ZNF544: variants seen among roughly 807,000 people sequenced by gnomAD.
ZNF544 encodes zinc finger protein AF020591.
A neutral mutation model predicts 13.5 loss-of-function variants in ZNF544; 10 were observed. The observed-to-expected ratio is 0.74, with a 90% CI of 0.46 to 1.25. The LOEUF (loss-of-function observed/expected upper bound fraction) is 1.25. Ranked by LOEUF, ZNF544 falls within the 50% of genes most tolerant of loss-of-function variation. The probability of loss-of-function intolerance (pLI) is 0.00; values close to 1 mark genes in which losing one functional copy is unlikely to be tolerated. For synonymous variants in ZNF544, 323 were observed against 300.5 expected (o/e 1.07, Z -0.77); for missense variants, 896 against 845.6 (o/e 1.06, Z -0.74).
chr19:58,246,803 A>C lies in ZNF544; in HGVS notation c.244+9A>C. Reference sequence around the variant, plus strand: ...GCAGGAGGCCCCCCGAGGTAAGAGCAGACCTTGTGGTGAGCAGCTCAACGT... The same window carrying C: ...GCAGGAGGCCCCCCGAGGTAAGAGCCGACCTTGTGGTGAGCAGCTCAACGT... On this transcript the variant is annotated intron_variant, in intron 6 of 6. Transcript: ENST00000687789. 1.9e-6 allele frequency: 3 copies of C among 1,613,510 alleles called. No homozygotes were observed. The highest frequency in any genetic ancestry group is 1.7e-6 in the Non-Finnish European group (2 of 1,179,558).
rs199670407 is a variant in ZNF544 at position 58,262,699 on chromosome 19, G to A, written c.2093G>A (p.Arg698Gln). Reference sequence around the variant, plus strand: ...TGTAGTGACTGTGGGAAATCCTTCCGGCAGCAATCTCAACTTGTAGTGCAT... The same window carrying A: ...TGTAGTGACTGTGGGAAATCCTTCCAGCAGCAATCTCAACTTGTAGTGCAT... ...YECSDCGKSF[R>Q]QQSQLVVHRR... The change falls in exon 7 of 7, where the codon CGG (arginine) becomes CAG (glutamine). Residue 698 changes from arginine (R) to glutamine (Q), a missense_variant. By Grantham distance (43) the Arg-to-Gln change is conservative. Transcript: ENST00000687789. 181 of 1,611,908 alleles carry A rather than the reference G, an allele frequency of 1.1e-4. No homozygotes were observed. The highest frequency in any genetic ancestry group is 1.6e-4 in the Middle Eastern group (1 of 6,074).
chr19:58,255,937 A>G (rs2047225486), intron 6 of ZNF544, among the ~76,000 whole-genome samples: 1 of 152,260 alleles, frequency 6.6e-6, no homozygotes, highest in Non-Finnish European at 1.5e-5. Context: ...AGGAAACGGC[A>G]GCTGAAAGAT....
chr19:58,260,982 C>A lies in ZNF544; in HGVS notation c.376C>A (p.Gln126Lys). ...EPPSLVLGKV[Q>K]DQSNQLREHQ... Reference sequence around the variant, plus strand: ...ACCCTCTTTGGTATTAGGAAAAGTGCAAGATCAGAGCAACCAGTTAAGGGA... The same window carrying A: ...ACCCTCTTTGGTATTAGGAAAAGTGAAAGATCAGAGCAACCAGTTAAGGGA... Residue 126 changes from glutamine to lysine, a missense_variant, in exon 7 of 7, where the codon CAA (glutamine) becomes AAA (lysine). Gln to Lys is a moderately conservative substitution (Grantham distance 53, BLOSUM62 1). Transcript: ENST00000687789. 1 of 1,614,162 alleles carries A rather than the reference C, an allele frequency of 6.2e-7. No individual in the cohort carries two copies. The highest frequency in any genetic ancestry group is 8.5e-7 in the Non-Finnish European group (1 of 1,180,042).
At position 58,262,143 on chromosome 19, in the gene ZNF544, A is replaced by T; in HGVS notation, c.1537A>T (p.Thr513Ser). The T allele has an allele frequency of 6.2e-7, 1 of 1,613,772 alleles. No individual in the cohort carries two copies. ...QKYDLVVHQRTHTGEKPYECN... is the reference protein window; with the variant it reads ...QKYDLVVHQRSHTGEKPYECN... ...GTATGACCTTGTTGTACATCAGAGG[A>T]CACACACTGGAGAGAAGCCCTATGA... Residue 513 changes from threonine (T) to serine (S), a missense_variant, in exon 7 of 7, where the codon ACA becomes TCA. By Grantham distance (58) the Thr-to-Ser change is moderately conservative. Coordinates refer to ENST00000687789, the MANE Select transcript of ZNF544 (RefSeq NM_014480.4).
Position 58,262,322 on chromosome 19 carries a change from A to G in ZNF544, c.1716A>G (p.Gly572=). Residue 572 remains glycine, a synonymous_variant, in exon 7 of 7, where the codon GGA becomes GGG. Coordinates refer to ENST00000687789, the MANE Select transcript of ZNF544 (RefSeq NM_014480.4). ...TCATACATCAGAGAATTCATACTGGAGAGAAACCGTACGATTGCACTCACT... is the reference window on the plus strand; with the variant it reads ...TCATACATCAGAGAATTCATACTGGGGAGAAACCGTACGATTGCACTCACT... ...NLVIHQRIHT[G]EKPYDCTHCG... is the part of the protein sequence containing the mutation. The G allele has an allele frequency of 6.2e-7, 1 of 1,614,036 alleles. No individual in the cohort carries two copies. The highest frequency in any genetic ancestry group is 8.5e-7 in the Non-Finnish European group (1 of 1,180,020).
intron 5 of ZNF544, among the ~76,000 whole-genome samples, chr19:58,275,731 G>A (rs1435595193): frequency 7.2e-6 from 1 of 139,602 alleles, no homozygotes; most frequent in Non-Finnish European, 1.5e-5. Flanking sequence ...GCTGCAGTGA[G>A]CTGTGATCAC....
chr19:58,266,922 G>GC (rs997402104), downstream of ZNF544: 2 of 152,166 alleles, frequency 1.3e-5, no homozygotes, highest in African/African-American at 4.8e-5. Flanking sequence ...TGTTAAAGCA[G>GC]CCCCGCCTGT....
downstream of ZNF544, among the ~76,000 whole-genome samples, chr19:58,265,332 G>A (rs2147781625): frequency 6.7e-6 from 1 of 148,768 alleles, no homozygotes. Context: ...GTCTCACTCT[G>A]TTGCCCAGGC....
At chr19:58,275,611 C>A (rs2147938798) in intron 5 of ZNF544, among the ~76,000 whole-genome samples, 1 of 151,846 alleles carries the variant, frequency 6.6e-6, no homozygotes, top group South Asian at 2.1e-4. Flanking sequence ...GAGCTCAAGA[C>A]CATCCTAGGC....
At chr19:58,268,379 T>TTG (rs1329882992), downstream of ZNF544, among the ~76,000 whole-genome samples, 2 of 152,216 alleles carry the variant, frequency 1.3e-5, no homozygotes, top group East Asian at 3.8e-4. Flanking sequence ...CTCTTTGAAA[T>TTG]TACAAGTAAG....
intron 5 of ZNF544, among the ~76,000 whole-genome samples, chr19:58,273,724 T>C (rs1339595446): frequency 6.6e-6 from 1 of 151,248 alleles, no homozygotes; most frequent in East Asian, 1.9e-4. Context: ...TGTAGACAAG[T>C]GTGTCTCACG....
chr19:58,257,292 T>G (rs1488608771), intron 6 of ZNF544: 4 of 152,192 alleles, frequency 2.6e-5, no homozygotes, highest in African/African-American at 9.7e-5. Context: ...AAAGCATAGC[T>G]GTATTGAAAC....
At chr19:58,276,049 C>CA (rs2051198421) in intron 5 of ZNF544, among the ~76,000 whole-genome samples, 1 of 152,100 alleles carries the variant, frequency 6.6e-6, no homozygotes, top group South Asian at 2.1e-4. Context: ...TGGTGGCTCT[C>CA]ACCTGTGCTC....
Position 58,246,731 on chromosome 19 carries a change from G to A in ZNF544, c.181G>A (p.Asp61Asn). 6.2e-7 allele frequency: 1 copy of A among 1,614,106 alleles called. No individual in the cohort carries two copies. Among genetic ancestry groups the A allele is most frequent in the Non-Finnish European group, 8.5e-7 (1 of 1,179,998 alleles). ...VSLGLFLSKS[D>N]VISQLEQEED... ...ACCAGGGCTTTTCCTTTCCAAATCT[G>A]ATGTGATCTCTCAGCTGGAGCAAGA... Residue 61 changes from aspartate (D) to asparagine (N), a missense_variant, in exon 6 of 7, where the codon GAT becomes AAT. Asp to Asn is a conservative substitution (Grantham distance 23). Coordinates refer to ENST00000687789, the MANE Select transcript of ZNF544 (RefSeq NM_014480.4).
At chr19:58,260,610 C>CT in intron 6 of ZNF544, 1 of 420,978 alleles carries the variant, frequency 2.4e-6, no homozygotes, top group Admixed American at 4.1e-5. Flanking sequence ...CTTCTGCCCT[C>CT]TATTTGGGGA....
downstream of ZNF544, among the ~76,000 whole-genome samples, chr19:58,264,941 G>A (rs977891600): frequency 6.6e-6 from 1 of 151,968 alleles, no homozygotes; most frequent in Non-Finnish European, 1.5e-5. Flanking sequence ...GGGTGGGGGG[G>A]ATGGTCTCAC....
At chr19:58,245,403 C>T (rs2044931290) in intron 4 of ZNF544, among the ~76,000 whole-genome samples, 1 of 151,430 alleles carries the variant, frequency 6.6e-6, no homozygotes, top group South Asian at 2.1e-4. Flanking sequence ...CAGGTTCAAG[C>T]GATTCTCCTG....
chr19:58,269,084 T>C (rs2050283867), downstream of ZNF544, among the ~76,000 whole-genome samples: 1 of 152,312 alleles, frequency 6.6e-6, no homozygotes, highest in Admixed American at 6.5e-5. Flanking sequence ...GTCATGCCAT[T>C]ATTATCAGAA....
intron 3 of ZNF544, among the ~76,000 whole-genome samples, chr19:58,239,949 T>G (rs2146773795): frequency 6.8e-6 from 1 of 147,342 alleles, no homozygotes; most frequent in South Asian, 2.1e-4. Context: ...TAAACGGGAG[T>G]CCGGGAGAGA....
Sources: gnomAD v4.1 joint callset for allele counts (sites outside exome capture counted in the v4.1 genomes callset) on GRCh38, gnomAD v4.1.1 for gene constraint, MANE v1.5 for transcripts, NCBI Gene and HGNC (gene_info 2026-07-23, HGNC 2026-07-21) for gene names.